The following DLGAP1 variants were observed in gnomAD, a reference collection of about 807,000 sequenced individuals.
DLGAP1 encodes the protein disks large-associated protein 1.
Under a neutral mutation model 90.8 loss-of-function variants are expected in DLGAP1, and 11 were observed. The ratio of observed to expected loss-of-function variants is 0.12; its 90% confidence interval spans 0.08 to 0.20. The LOEUF (loss-of-function observed/expected upper bound fraction) is 0.20. Among genes scored for constraint, DLGAP1 ranks in the 10% least tolerant of loss-of-function variants. The pLI, the probability that DLGAP1 is intolerant of heterozygous loss-of-function variation, is 1.00. For missense variants in DLGAP1, 1,050 were observed against 1,333.8 expected (o/e 0.79, Z 3.31); for synonymous variants, 558 against 540.7 (o/e 1.03, Z -0.44).
At chr18:3,539,432 C>T (rs1306759939) in intron 9 of DLGAP1, among the ~76,000 whole-genome samples, 2 of 152,012 alleles carry the variant, frequency 1.3e-5, no homozygotes, top group South Asian at 2.1e-4. Context: ...ATATTCTGGC[C>T]CAAGAAGCAG....
intron 1 of DLGAP1, among the ~76,000 whole-genome samples, chr18:4,188,081 A>T (rs1253058938): frequency 1.3e-5 from 2 of 152,140 alleles, no homozygotes; most frequent in Non-Finnish European, 2.9e-5. Flanking sequence ...AACAAATTTA[A>T]ATCAAAAGGA....
chr18:4,220,120 C>A (rs1018651828), intron 1 of DLGAP1, among the ~76,000 whole-genome samples: 1 of 152,136 alleles, frequency 6.6e-6, no homozygotes, highest in South Asian at 2.1e-4. Context: ...CACAGAATAC[C>A]TTTCCATTTA....
At chr18:4,153,232 T>C (rs2076703507) in intron 1 of DLGAP1, among the ~76,000 whole-genome samples, 1 of 152,220 alleles carries the variant, frequency 6.6e-6, no homozygotes, top group Non-Finnish European at 1.5e-5. Context: ...TGCATTAAAA[T>C]ACAATTATAG....
At chr18:3,840,898 T>G (rs1238952717) in intron 4 of DLGAP1, among the ~76,000 whole-genome samples, 1 of 152,324 alleles carries the variant, frequency 6.6e-6, no homozygotes, top group East Asian at 1.9e-4. Flanking sequence ...CCCTGTTGCC[T>G]CTCACATTTT....
intron 1 of DLGAP1, among the ~76,000 whole-genome samples, chr18:4,408,171 C>T (rs980371388): frequency 6.6e-6 from 1 of 152,008 alleles, no homozygotes; most frequent in Non-Finnish European, 1.5e-5. Flanking sequence ...GGAAAGGCTC[C>T]AAAGAAAAGT....
At chr18:4,238,533 A>C (rs539844885) in intron 1 of DLGAP1, among the ~76,000 whole-genome samples, 44 of 152,306 alleles carry the variant, frequency 2.9e-4, no homozygotes, top group African/African-American at 1.0e-3. Context: ...TACACCGTAG[A>C]AGTTTTGAGA....
At chr18:4,376,588 T>C (rs1263198746) in intron 1 of DLGAP1, among the ~76,000 whole-genome samples, 1 of 152,186 alleles carries the variant, frequency 6.6e-6, no homozygotes, top group Non-Finnish European at 1.5e-5. Flanking sequence ...ATAATAGTTT[T>C]AGACCAAAGA....
In DLGAP1 at chr18:4,448,066, G is replaced by A. The variant is rs147330194; in HGVS notation, c.-267+6940C>T. Among the ~76,000 whole-genome samples, 334 of 152,204 alleles carry A rather than the reference G, an allele frequency of 2.2e-3. 2 individuals carry two copies. The highest frequency in any genetic ancestry group is 7.3e-3 in the African/African-American group (304 of 41,520). ...ATGCCAAGTTCATTTGCACCTCCAC[G>A]TCTATGCAAATGTTTTCTCTATCTG... On this transcript the variant is annotated intron_variant, in intron 1 of 12. Transcript: ENST00000315677.
intron 2 of DLGAP1, among the ~76,000 whole-genome samples, chr18:4,058,446 C>A (rs978291596): frequency 6.6e-6 from 1 of 152,194 alleles, no homozygotes; most frequent in African/African-American, 2.4e-5. Context: ...TGCCCCAGGG[C>A]CAAGTTTTTC....
intron 2 of DLGAP1, among the ~76,000 whole-genome samples, chr18:4,098,492 G>A (rs1397704446): frequency 6.6e-6 from 1 of 152,178 alleles, no homozygotes; most frequent in Non-Finnish European, 1.5e-5. Context: ...ATTAGGATTG[G>A]AGAACAGCTG....
intron 7 of DLGAP1, among the ~76,000 whole-genome samples, chr18:3,664,181 T>TAC (rs1491306501): frequency 2.3e-5 from 3 of 129,088 alleles, no homozygotes; most frequent in African/African-American, 3.3e-5. Flanking sequence ...TATGGGTCAG[T>TAC]ATACACACAC....
chr18:4,345,666 A>G (rs905454908), intron 1 of DLGAP1, among the ~76,000 whole-genome samples: 3 of 152,234 alleles, frequency 2.0e-5, no homozygotes, highest in African/African-American at 7.2e-5. Context: ...TCTACTTCAC[A>G]TAAGTATGAA....
At chr18:4,032,026 C>T (rs139821835) in intron 2 of DLGAP1, among the ~76,000 whole-genome samples, 389 of 152,190 alleles carry the variant, frequency 2.6e-3, no homozygotes, top group African/African-American at 8.8e-3. Context: ...TCTAGTTTCC[C>T]GGTTTTGATA....
chr18:4,324,177 A>G (rs926503106), intron 1 of DLGAP1, among the ~76,000 whole-genome samples: 4 of 151,980 alleles, frequency 2.6e-5, no homozygotes, highest in Non-Finnish European at 5.9e-5. Context: ...GAAATGACAA[A>G]AAAGATGTTA....
chr18:4,141,141 C>G (rs898714571), intron 2 of DLGAP1, among the ~76,000 whole-genome samples: 15 of 151,994 alleles, frequency 9.9e-5, no homozygotes. Context: ...ATTTCTATAT[C>G]TGTCTTCTCT....
chr18:3,963,697 G>A (rs573565924), intron 3 of DLGAP1, among the ~76,000 whole-genome samples: 14 of 148,162 alleles, frequency 9.4e-5, no homozygotes, highest in Non-Finnish European at 2.1e-4. Context: ...TGTTTCCATT[G>A]CAAGTACCTT....
At chr18:3,853,192 T>C (rs1300636011) in intron 4 of DLGAP1, among the ~76,000 whole-genome samples, 1 of 152,132 alleles carries the variant, frequency 6.6e-6, no homozygotes, top group Non-Finnish European at 1.5e-5. Context: ...ATATTCAAGG[T>C]TTCTGTTTTT....
At chr18:3,623,084 C>T (rs992493239) in intron 7 of DLGAP1, among the ~76,000 whole-genome samples, 36 of 152,172 alleles carry the variant, frequency 2.4e-4, no homozygotes, top group African/African-American at 7.9e-4. Context: ...GGATTACACG[C>T]GTGAGCCACC....
At chr18:3,693,770 C>T (rs1387616131) in intron 7 of DLGAP1, among the ~76,000 whole-genome samples, 4 of 152,142 alleles carry the variant, frequency 2.6e-5, no homozygotes, top group African/African-American at 9.7e-5. Context: ...AAAGGGAATC[C>T]AGATTGGGCT....
Sources: allele counts gnomAD v4.1 joint callset (sites outside exome capture counted in the v4.1 genomes callset), GRCh38; gene constraint gnomAD v4.1.1; transcripts MANE v1.5; gene names NCBI Gene and HGNC (gene_info 2026-07-23, HGNC 2026-07-21).